The following CORO2B variants were observed in gnomAD, a reference collection of about 807,000 sequenced individuals.
The protein encoded by CORO2B is coronin-2B.
Under a neutral mutation model 58.8 loss-of-function variants are expected in CORO2B, and 26 were observed. That is an observed-to-expected ratio of 0.44 (90% CI 0.32 to 0.61). CORO2B has a LOEUF of 0.61. CORO2B is among the 20% of genes least tolerant of loss of function. CORO2B has a pLI of 0.04. For missense variants in CORO2B, 460 were observed against 645.1 expected, an observed-to-expected ratio of 0.71 and a Z score of 3.11; for synonymous variants, 242 against 253.8, an observed-to-expected ratio of 0.95 and a Z score of 0.44.
chr15:68,726,058 G>C lies in CORO2B; in HGVS notation c.*84G>C. ...CTTCTCCCTTACCAGTGACCCCAGA[G>C]ACAGAGCCAGGACAGGAGTGGGGGC... On this transcript the variant is annotated 3_prime_UTR_variant, in exon 12 of 12. Coordinates refer to ENST00000261861, the MANE Select transcript of CORO2B (RefSeq NM_006091.5). 2 of 1,565,498 alleles carry C rather than the reference G, an allele frequency of 1.3e-6. No individual in the cohort carries two copies. Among genetic ancestry groups the C allele is most frequent in the Non-Finnish European group, 1.7e-6 (2 of 1,159,406 alleles).
the CORO2B span, among the ~76,000 whole-genome samples, chr15:68,536,793 T>C: frequency 2.6e-5 from 4 of 152,212 alleles, no homozygotes; most frequent in East Asian, 3.9e-4. Flanking sequence ...GCCAATGACA[T>C]GGAAACAGAA....
chr15:68,631,800 G>A (rs1199833330), intron 1 of CORO2B, among the ~76,000 whole-genome samples: 1 of 152,204 alleles, frequency 6.6e-6, no homozygotes, highest in Non-Finnish European at 1.5e-5. Context: ...TTTACCTCTT[G>A]ACATCAGTAG....
intron 2 of CORO2B, among the ~76,000 whole-genome samples, chr15:68,666,832 ACG>A (rs776106781): frequency 1.2e-4 from 19 of 152,226 alleles, no homozygotes; most frequent in Admixed American, 4.6e-4. Flanking sequence ...ATAAAAATAC[ACG>A]GTTTTGTAGT....
chr15:68,605,481 G>T (rs1900087590), intron 1 of CORO2B, among the ~76,000 whole-genome samples: 1 of 152,208 alleles, frequency 6.6e-6, no homozygotes, highest in Non-Finnish European at 1.5e-5. Context: ...AGGAAGCATT[G>T]ATTCAATGGA....
At chr15:68,720,316 A>T (rs1263860746) in intron 11 of CORO2B, among the ~76,000 whole-genome samples, 41 of 152,232 alleles carry the variant, frequency 2.7e-4, no homozygotes, top group Admixed American at 2.7e-3. Flanking sequence ...GAGATAATTC[A>T]TAAGTGTCTA....
At chr15:68,661,320 G>A (rs545966822) in intron 2 of CORO2B, among the ~76,000 whole-genome samples, 1 of 152,284 alleles carries the variant, frequency 6.6e-6, no homozygotes, top group Admixed American at 6.5e-5. Context: ...ATGATTTCCT[G>A]ATCTAGAGGC....
chr15:68,570,902 G>A, the CORO2B span, among the ~76,000 whole-genome samples: 62 of 144,992 alleles, frequency 4.3e-4, no homozygotes, highest in Non-Finnish European at 9.0e-5. Flanking sequence ...GCCGCCCACA[G>A]TGCTGGGATT....
the CORO2B span, among the ~76,000 whole-genome samples, chr15:68,559,769 C>T: frequency 6.6e-6 from 1 of 152,110 alleles, no homozygotes; most frequent in Non-Finnish European, 1.5e-5. The surrounding 1 kb of genome is among the most constrained non-coding windows in gnomAD (Gnocchi z 4.3). Flanking sequence ...AGCTCCACGG[C>T]GTGCCCACCA....
At chr15:68,578,742 C>G (rs1899336833), upstream of CORO2B, among the ~76,000 whole-genome samples, 1 of 152,052 alleles carries the variant, frequency 6.6e-6, no homozygotes, top group Non-Finnish European at 1.5e-5. This position sits in a 1 kb window ranked among gnomAD's most constrained non-coding sequence, Gnocchi z 4.2. Flanking sequence ...CGGCAGGTGC[C>G]GGGAGCCAGC....
the CORO2B span, among the ~76,000 whole-genome samples, chr15:68,540,023 C>T: frequency 6.6e-6 from 1 of 152,130 alleles, no homozygotes; most frequent in East Asian, 1.9e-4. Context: ...AGATATTCTC[C>T]CTTAACCATG....
intron 3 of CORO2B, among the ~76,000 whole-genome samples, chr15:68,706,868 C>T (rs1420123917): frequency 6.6e-6 from 1 of 152,150 alleles, no homozygotes; most frequent in Non-Finnish European, 1.5e-5. Flanking sequence ...CATGCCACCA[C>T]ATCCAGCTAA....
At chr15:68,678,271 G>C (rs1382177437) in intron 2 of CORO2B, among the ~76,000 whole-genome samples, 1 of 152,202 alleles carries the variant, frequency 6.6e-6, no homozygotes, top group Admixed American at 6.5e-5. Flanking sequence ...TCCATAGTAA[G>C]AGCAGGGGGA....
chr15:68,639,534 A>G (rs886068206), intron 1 of CORO2B, among the ~76,000 whole-genome samples: 2 of 152,226 alleles, frequency 1.3e-5, no homozygotes, highest in Non-Finnish European at 2.9e-5. Context: ...GGCAGAACCA[A>G]GGTGGTAGAC....
intron 1 of CORO2B, among the ~76,000 whole-genome samples, chr15:68,596,362 A>T (rs901888634): frequency 2.9e-4 from 1 of 3,394 alleles, no homozygotes; most frequent in African/African-American, 1.1e-3. Context: ...CATGGGGGGT[A>T]GGGGGTGGGG....
chr15:68,639,712 A>C lies in CORO2B; in HGVS notation c.16-5448A>C, dbSNP rs138567253. On this transcript the variant is annotated intron_variant, in intron 1 of 11. Coordinates refer to ENST00000261861, the MANE Select transcript of CORO2B (RefSeq NM_006091.5). ...CCCAGGGATGGGAAGCTGACTACCT[A>C]TCAAGGTAGCTTCTTTTTCCAAGTT... 3.5e-3 allele frequency among the ~76,000 whole-genome samples: 534 copies of C among 152,350 alleles called. 10 individuals are homozygous for C. The highest frequency in any genetic ancestry group is 0.012 in the African/African-American group (514 of 41,590).
chr15:68,564,645 G>C, the CORO2B span, among the ~76,000 whole-genome samples: 4 of 152,120 alleles, frequency 2.6e-5, no homozygotes, highest in Non-Finnish European at 4.4e-5. Context: ...TTCTGGTATA[G>C]TTTGTATCTT....
chr15:68,584,822 G>T (rs1899511597), intron 1 of CORO2B, among the ~76,000 whole-genome samples: 1 of 152,194 alleles, frequency 6.6e-6, no homozygotes, highest in South Asian at 2.1e-4. Flanking sequence ...GGGGAGCTTG[G>T]GGCAGCTGGC....
chr15:68,708,768 C>A (rs1330625159), intron 3 of CORO2B, among the ~76,000 whole-genome samples: 1 of 152,046 alleles, frequency 6.6e-6, no homozygotes, highest in Non-Finnish European at 1.5e-5. Context: ...CAGCCTTGAA[C>A]TCCTGGGCTT....
chr15:68,687,996 G>A (rs971432369), intron 2 of CORO2B, among the ~76,000 whole-genome samples: 1 of 152,212 alleles, frequency 6.6e-6, no homozygotes, highest in Admixed American at 6.5e-5. Context: ...ACATGTTCAA[G>A]CCATAGCACC....
Sources: allele counts gnomAD v4.1 joint callset (sites outside exome capture counted in the v4.1 genomes callset), GRCh38; gene constraint gnomAD v4.1.1; non-coding constraint Gnocchi (gnomAD v3.1); transcripts MANE v1.5; gene names NCBI Gene and HGNC (gene_info 2026-07-23, HGNC 2026-07-21).